Variants in ARAP2 observed in about 807,000 individuals in gnomAD.
ARAP2 encodes the protein ArfGAP with RhoGAP domain, ankyrin repeat and PH domain 2.
Under a neutral mutation model 194.5 loss-of-function variants are expected in ARAP2, and 148 were observed. The observed-to-expected ratio is 0.76, with a 90% CI of 0.67 to 0.87. The LOEUF is 0.87. Among genes scored for constraint, ARAP2 ranks in the 40% least tolerant of loss-of-function variants. The probability of loss-of-function intolerance (pLI) is 0.00; values close to 1 mark genes in which losing one functional copy is unlikely to be tolerated. For synonymous variants in ARAP2, 695 were observed against 683.5 expected (o/e 1.02, Z -0.26); for missense variants, 2,128 against 1,989.7 (o/e 1.07, Z -1.32).
At chr4:36,219,383 T>C (rs1044629448) in intron 2 of ARAP2, among the ~76,000 whole-genome samples, 19 of 152,150 alleles carry the variant, frequency 1.2e-4, no homozygotes, top group African/African-American at 4.6e-4. Flanking sequence ...CTCAAAAACA[T>C]CTTACTGAAT....
chr4:36,170,129 G>T (rs1171895740), intron 9 of ARAP2, among the ~76,000 whole-genome samples: 1 of 152,136 alleles, frequency 6.6e-6, no homozygotes, highest in Non-Finnish European at 1.5e-5. Flanking sequence ...CTGATTCCAT[G>T]AATCTGGGGG....
intron 8 of ARAP2, among the ~76,000 whole-genome samples, chr4:36,013,744 A>G (rs972983504): frequency 6.6e-6 from 1 of 152,188 alleles, no homozygotes; most frequent in Non-Finnish European, 1.5e-5. Context: ...TAAGGCAATA[A>G]TTGGTGGACA....
downstream of ARAP2, among the ~76,000 whole-genome samples, chr4:36,064,494 G>A (rs1725061371): frequency 6.6e-6 from 1 of 152,224 alleles, no homozygotes; most frequent in Admixed American, 6.5e-5. Context: ...GGGGTGGCAG[G>A]ACTTGCTGGC....
At chr4:36,074,172 A>T (rs1194676058) in intron 31 of ARAP2, among the ~76,000 whole-genome samples, 2 of 152,158 alleles carry the variant, frequency 1.3e-5, no homozygotes, top group Non-Finnish European at 2.9e-5. Flanking sequence ...AATCTAAGTA[A>T]CTATACATTT....
downstream of ARAP2, among the ~76,000 whole-genome samples, chr4:36,062,922 C>T (rs1461585351): frequency 6.6e-6 from 1 of 152,070 alleles, no homozygotes; most frequent in Non-Finnish European, 1.5e-5. Flanking sequence ...CATTTCTGTG[C>T]TTTGCATTTC....
chr4:36,073,947 A>T, intron 31 of ARAP2, 124 bp from the exon 32 acceptor site: 1 of 1,237,520 alleles, frequency 8.1e-7, no homozygotes, highest in East Asian at 2.4e-5. Flanking sequence ...TGAGAATTCC[A>T]TTTGTGATTA....
chr4:36,162,557 A>G (rs1168990705), intron 11 of ARAP2, among the ~76,000 whole-genome samples: 1 of 151,752 alleles, frequency 6.6e-6, no homozygotes, highest in South Asian at 2.1e-4. Context: ...TGTCTAATGA[A>G]CAACGAATGT....
chr4:36,079,180 A>C (rs1728935796), intron 31 of ARAP2, among the ~76,000 whole-genome samples: 1 of 145,530 alleles, frequency 6.9e-6, no homozygotes, highest in Admixed American at 6.8e-5. Flanking sequence ...TCTCAAAAAA[A>C]AAAAAAAAAA....
At chr4:36,177,757 C>T (rs916993817) in intron 9 of ARAP2, 70 bp downstream of exon 9, 4 of 1,416,474 alleles carry the variant, frequency 2.8e-6, no homozygotes, top group Non-Finnish European at 2.8e-6. Flanking sequence ...ACTAATAATC[C>T]TTCCAAACAA....
chr4:36,107,818 CTTATG>C (rs55699290), intron 26 of ARAP2, 125 bp from the exon 27 acceptor site: 670,634 of 796,558 alleles, frequency 0.84, 288,155 homozygotes, highest in South Asian at 0.93. Flanking sequence ...ACAATCATAT[CTTATG>C]TTATATTATA....
intron 5 of ARAP2, among the ~76,000 whole-genome samples, chr4:36,027,372 C>T (rs1314619296): frequency 6.6e-6 from 1 of 151,688 alleles, no homozygotes; most frequent in African/African-American, 2.4e-5. Flanking sequence ...CCATAGATTC[C>T]CCTCTGATTG....
intron 11 of ARAP2, among the ~76,000 whole-genome samples, chr4:36,164,188 CT>C (rs907560178): frequency 3.9e-5 from 6 of 152,126 alleles, no homozygotes; most frequent in African/African-American, 1.2e-4. Flanking sequence ...TCTCTCTCAT[CT>C]GTGTTTGTGT....
chr4:36,210,050 CTCAG>C (rs1004216829), intron 6 of ARAP2, among the ~76,000 whole-genome samples: 2 of 152,166 alleles, frequency 1.3e-5, no homozygotes, highest in African/African-American at 4.8e-5. Flanking sequence ...GTAATACTAA[CTCAG>C]TCTGTCTTGT....
intron 9 of ARAP2, among the ~76,000 whole-genome samples, chr4:36,173,632 A>G (rs1297936190): frequency 2.0e-5 from 3 of 152,174 alleles, no homozygotes; most frequent in Non-Finnish European, 4.4e-5. Flanking sequence ...CAATAAATAA[A>G]TGGACAAAGA....
chr4:36,141,039 A>G (rs1323596858), intron 19 of ARAP2, among the ~76,000 whole-genome samples: 4 of 151,652 alleles, frequency 2.6e-5, no homozygotes, highest in African/African-American at 9.7e-5. Flanking sequence ...AATGGTAAAC[A>G]CAGTAACTTA....
intron 3 of ARAP2, among the ~76,000 whole-genome samples, chr4:36,047,569 A>G (rs535629816): frequency 1.2e-4 from 19 of 152,224 alleles, no homozygotes; most frequent in African/African-American, 4.6e-4. Flanking sequence ...AGAAACCCCA[A>G]TTCTATGATA....
chr4:36,071,682 GTTTT>G (rs918392737), intron 32 of ARAP2, among the ~76,000 whole-genome samples: 3 of 86,204 alleles, frequency 3.5e-5, no homozygotes, highest in South Asian at 5.2e-4. Context: ...TTTTTTTTGA[GTTTT>G]TTTTTAATTT....
chr4:36,174,620 T>C (rs1403339637), intron 9 of ARAP2, among the ~76,000 whole-genome samples: 1 of 152,192 alleles, frequency 6.6e-6, no homozygotes, highest in East Asian at 1.9e-4. Context: ...TTTTGTGAAT[T>C]CAGATTCTAC....
intron 9 of ARAP2, among the ~76,000 whole-genome samples, chr4:36,173,940 T>C (rs1398290402): frequency 6.6e-6 from 1 of 152,198 alleles, no homozygotes; most frequent in Non-Finnish European, 1.5e-5. Flanking sequence ...GAACAGCTCA[T>C]AGGAATTCTT....
Sources: gnomAD v4.1 joint callset for allele counts (sites outside exome capture counted in the v4.1 genomes callset) on GRCh38, gnomAD v4.1.1 for gene constraint, MANE v1.5 for transcripts, NCBI Gene and HGNC (gene_info 2026-07-23, HGNC 2026-07-21) for gene names.